The following ABCA12 variants were observed in gnomAD, a reference collection of about 807,000 sequenced individuals.
ABCA12 encodes the protein ATP binding cassette subfamily A member 12, also known as glucosylceramide transporter ABCA12.
Under a neutral mutation model 293.5 loss-of-function variants are expected in ABCA12, and 156 were observed. The ratio of observed to expected loss-of-function variants is 0.53; its 90% CI spans 0.47 to 0.61. ABCA12 has a LOEUF of 0.61. Among genes scored for constraint, ABCA12 ranks in the 20% least tolerant of loss-of-function variants. ABCA12 has a pLI of 0.00. For synonymous variants in ABCA12, 1,063 were observed against 1,108.0 expected, an observed-to-expected ratio of 0.96 and a Z score of 0.81; for missense variants, 2,797 against 3,090.2, an observed-to-expected ratio of 0.91 and a Z score of 2.25.
In ABCA12 at chr2:214,968,739, G is replaced by A. The variant is rs545629635; in HGVS notation, c.5759C>T (p.Ala1920Val). Residue 1920 changes from alanine (A) to valine (V), a missense_variant, in exon 38 of 53, where the codon GCC becomes GTC. Transcript: ENST00000272895. The part of the protein sequence containing the change: ...DLRFDITGVP[A>V]NRTLAKVWYD... The stretch of plus-strand genomic sequence containing the variant: ...ATTTACCTTGGCAAGTGTTCTATTG[G>A]CAGGGACTCCTGTTATATCAAAACG... 6.2e-7 allele frequency: 1 copy of A among 1,613,166 alleles called. No homozygotes were observed. The highest frequency in any genetic ancestry group is 8.5e-7 in the Non-Finnish European group (1 of 1,179,322).
Position 214,978,831 on chromosome 2 carries a change from G to A in ABCA12, c.4950C>T (p.Tyr1650=), listed in dbSNP as rs371166748. ...NGMGDLNIGC[Y]GISDTTVEEV... ...CCTCCACGGTGGTATCTGAAATGCC[G>A]TAGCACCCGATGTTGAGGTCACCCA... The change falls in exon 32 of 53, where the codon TAC becomes TAT. Residue 1650 remains tyrosine, a synonymous_variant. Coordinates refer to ENST00000272895, the MANE Select transcript of ABCA12 (RefSeq NM_173076.3). 19 of 1,613,982 alleles carry A rather than the reference G, an allele frequency of 1.2e-5. No individual in the cohort carries two copies. Among genetic ancestry groups the A allele is most frequent in the East Asian group, 4.5e-5 (2 of 44,866 alleles).
intron 13 of ABCA12, among the ~76,000 whole-genome samples, chr2:215,018,786 AT>A (rs1379686437): frequency 6.6e-6 from 1 of 152,120 alleles, no homozygotes; most frequent in Non-Finnish European, 1.5e-5. Flanking sequence ...CTTCATGCAA[AT>A]ATATCTTTTT....
chr2:215,116,992 A>G (rs1431257247), intron 1 of ABCA12, among the ~76,000 whole-genome samples: 1 of 152,228 alleles, frequency 6.6e-6, no homozygotes, highest in Non-Finnish European at 1.5e-5. Context: ...CCACAGTTCC[A>G]ACAACTGGTG....
At chr2:214,981,568 T>A (rs1395063558) in intron 30 of ABCA12, among the ~76,000 whole-genome samples, 3 of 152,148 alleles carry the variant, frequency 2.0e-5, no homozygotes, top group Non-Finnish European at 4.4e-5. Flanking sequence ...CAGCGGGCAG[T>A]ACATAGATAT....
chr2:214,969,631 C>T (rs1699342182), intron 37 of ABCA12, among the ~76,000 whole-genome samples: 1 of 152,028 alleles, frequency 6.6e-6, no homozygotes, highest in Admixed American at 6.6e-5. Context: ...GAAGGATATA[C>T]ACCAAAATAT....
chr2:215,064,149 T>A lies in ABCA12; in HGVS notation c.234A>T (p.Thr78=). Residue 78 remains threonine (T), a synonymous_variant, in exon 3 of 53, where the codon ACA becomes ACT. Coordinates refer to ENST00000272895, the MANE Select transcript of ABCA12 (RefSeq NM_173076.3). The part of the protein sequence containing the change: ...FPFLQTLLCD[T]DSKCKDTPYG... ...AGGGTGTGTCTTTGCATTTAGAGTCTGTGTCACAGAGTAGGGTCTGCAGGA... is the reference window on the plus strand; with the variant it reads ...AGGGTGTGTCTTTGCATTTAGAGTCAGTGTCACAGAGTAGGGTCTGCAGGA... 6.2e-7 allele frequency: 1 copy of A among 1,612,984 alleles called. No homozygotes were observed. Among genetic ancestry groups the A allele is most frequent in the Non-Finnish European group, 8.5e-7 (1 of 1,179,260 alleles).
At chr2:215,063,799 T>A (rs1023293681) in intron 3 of ABCA12, among the ~76,000 whole-genome samples, 3 of 151,954 alleles carry the variant, frequency 2.0e-5, no homozygotes, top group African/African-American at 7.2e-5. Context: ...GGATAGAGAA[T>A]CTTTGAGGGA....
intron 1 of ABCA12, among the ~76,000 whole-genome samples, chr2:215,137,036 G>C (rs190541828): frequency 8.5e-4 from 128 of 151,276 alleles, no homozygotes; most frequent in African/African-American, 3.0e-3. Context: ...TTTCTTCTGT[G>C]CTTTTTTTTT....
chr2:214,951,576 G>A (rs1698772727), intron 44 of ABCA12, among the ~76,000 whole-genome samples: 1 of 152,116 alleles, frequency 6.6e-6, no homozygotes, highest in Non-Finnish European at 1.5e-5. Context: ...GGCCAACCTG[G>A]CAAAACCCTG....
intron 2 of ABCA12, among the ~76,000 whole-genome samples, chr2:215,108,374 T>C (rs1009842252): frequency 1.3e-5 from 2 of 152,174 alleles, no homozygotes; most frequent in Non-Finnish European, 2.9e-5. Context: ...TAGTTCACTT[T>C]TACAAAATGT....
chr2:214,976,866 G>C (rs1056568674), intron 33 of ABCA12, among the ~76,000 whole-genome samples: 5 of 151,834 alleles, frequency 3.3e-5, no homozygotes, highest in Non-Finnish European at 5.9e-5. Flanking sequence ...CTAAAAACAG[G>C]TTCAAATATA....
At chr2:215,012,358 T>G (rs1029870871) in intron 15 of ABCA12, among the ~76,000 whole-genome samples, 1 of 152,192 alleles carries the variant, frequency 6.6e-6, no homozygotes, top group Non-Finnish European at 1.5e-5. Context: ...TGAATGTTTA[T>G]AGCAGCATTA....
At chr2:215,008,442 A>G (rs1402760686) in intron 18 of ABCA12, among the ~76,000 whole-genome samples, 1 of 152,106 alleles carries the variant, frequency 6.6e-6, no homozygotes, top group Non-Finnish European at 1.5e-5. Flanking sequence ...ATTAATGCCC[A>G]ACACCTGATG....
intron 2 of ABCA12, among the ~76,000 whole-genome samples, chr2:215,104,911 A>G (rs1702433413): frequency 6.6e-6 from 1 of 152,190 alleles, no homozygotes. Context: ...TGATCCCATA[A>G]TCAGATTTAC....
At chr2:215,124,887 T>A (rs983112992) in intron 1 of ABCA12, among the ~76,000 whole-genome samples, 14 of 152,206 alleles carry the variant, frequency 9.2e-5, no homozygotes, top group Admixed American at 6.5e-5. Flanking sequence ...CCTAAGCCAA[T>A]GTCTAGAAGG....
intron 34 of ABCA12, 57 bp downstream of exon 34, chr2:214,975,728 A>G: frequency 5.0e-6 from 8 of 1,608,902 alleles, no homozygotes; most frequent in African/African-American, 1.3e-5. Flanking sequence ...TTCAGGTACA[A>G]CCACACTCCT....
In ABCA12 at chr2:214,931,776, A is replaced by C. The variant is rs1450318726; in HGVS notation, c.*858T>G. 1 of 152,544 alleles carries C rather than the reference A, an allele frequency of 6.6e-6. No homozygotes were observed. The highest frequency in any genetic ancestry group is 2.4e-5 in the African/African-American group (1 of 41,420). The allele number at this position is 152,544 out of a possible 1,614,324, so 9.4% of individuals were successfully genotyped here. On this transcript the variant is annotated 3_prime_UTR_variant, in exon 53 of 53. Coordinates refer to ENST00000272895, the MANE Select transcript of ABCA12 (RefSeq NM_173076.3). ...TCATATTCGTTTTCCCTCCACAGGA[A>C]TGTTTCCTGAAAAGAAACCCCAAAT... is the stretch of plus-strand genomic sequence containing the variant.
intron 38 of ABCA12, 55 bp from the exon 39 acceptor site, chr2:214,967,008 G>A (rs763462938): frequency 7.7e-5 from 103 of 1,336,614 alleles, no homozygotes; most frequent in Non-Finnish European, 9.7e-5. Flanking sequence ...AAATTAGGCT[G>A]TCTTAACATC....
At chr2:215,069,627 G>A (rs934163607) in intron 2 of ABCA12, among the ~76,000 whole-genome samples, 4 of 151,842 alleles carry the variant, frequency 2.6e-5, no homozygotes, top group African/African-American at 7.3e-5. Context: ...GTTCTCCTTC[G>A]CATGCACCTT....
Sources: gnomAD v4.1 joint callset for allele counts (sites outside exome capture counted in the v4.1 genomes callset) on GRCh38, gnomAD v4.1.1 for gene constraint, MANE v1.5 for transcripts, NCBI Gene and HGNC (gene_info 2026-07-23, HGNC 2026-07-21) for gene names.